Variants in CCSER1 observed in about 807,000 individuals in gnomAD.
CCSER1 encodes the protein coiled-coil serine rich protein 1, also known as serine-rich coiled-coil domain-containing protein 1.
Under a neutral mutation model 82.0 loss-of-function variants are expected in CCSER1, and 41 were observed. The observed-to-expected ratio is 0.50, with a 90% confidence interval of 0.39 to 0.65. CCSER1 has a LOEUF of 0.65. Ranked by LOEUF, CCSER1 falls within the 30% of genes least tolerant of loss-of-function variation. The pLI is 0.00. For synonymous variants in CCSER1, 414 were observed against 383.9 expected (o/e 1.08, Z -0.92); for missense variants, 1,119 against 1,064.2 (o/e 1.05, Z -0.72).
intron 10 of CCSER1, among the ~76,000 whole-genome samples, chr4:91,312,684 G>T (rs1745569155): frequency 6.6e-6 from 1 of 151,844 alleles, no homozygotes; most frequent in South Asian, 2.1e-4. Flanking sequence ...CTTCACCCAT[G>T]TTTAACTTGT....
At chr4:91,521,490 C>T (rs972456968) in intron 10 of CCSER1, among the ~76,000 whole-genome samples, 1 of 152,130 alleles carries the variant, frequency 6.6e-6, no homozygotes, top group Non-Finnish European at 1.5e-5. Flanking sequence ...ATTTACACTC[C>T]CACCAACAGC....
At chr4:90,235,849 C>A (rs1196710187) in intron 1 of CCSER1, among the ~76,000 whole-genome samples, 1 of 152,120 alleles carries the variant, frequency 6.6e-6, no homozygotes, top group Non-Finnish European at 1.5e-5. Context: ...TGCTTCCAAC[C>A]CTAACTCAGA....
chr4:91,080,934 A>G (rs1417875294), intron 9 of CCSER1, among the ~76,000 whole-genome samples: 1 of 152,202 alleles, frequency 6.6e-6, no homozygotes, highest in Non-Finnish European at 1.5e-5. Flanking sequence ...CAACCAAAAA[A>G]AGTCCAGGAC....
intron 7 of CCSER1, among the ~76,000 whole-genome samples, chr4:90,762,605 A>G (rs1480130753): frequency 1.3e-5 from 2 of 152,150 alleles, no homozygotes; most frequent in Non-Finnish European, 2.9e-5. Context: ...AACTTTGATT[A>G]TGCATCACCT....
At chr4:90,849,509 GC>G (rs1200520031) in intron 8 of CCSER1, among the ~76,000 whole-genome samples, 2 of 152,090 alleles carry the variant, frequency 1.3e-5, no homozygotes, top group African/African-American at 4.8e-5. Context: ...GAAAAACCCG[GC>G]CAGGTGTGGT....
chr4:91,474,804 TATATATATACACACACACAC>T (rs1308898908), intron 10 of CCSER1, among the ~76,000 whole-genome samples: 2 of 128,788 alleles, frequency 1.6e-5, no homozygotes, highest in African/African-American at 5.7e-5. Context: ...TATATATATA[TATATATATACACACACACAC>T]ACACACACAC....
chr4:90,611,059 C>CTTTTCTTTTTTTTTTTTTTTTTTT (rs1303751301), intron 5 of CCSER1, among the ~76,000 whole-genome samples: 11 of 93,808 alleles, frequency 1.2e-4, no homozygotes, highest in African/African-American at 5.0e-4. Context: ...CTTTTCTTTT[C>CTTTTCTTTTTTTTTTTTTTTTTTT]TTTTTTTTTT....
intron 10 of CCSER1, among the ~76,000 whole-genome samples, chr4:91,275,322 T>C (rs1016614605): frequency 5.3e-5 from 8 of 152,006 alleles, no homozygotes; most frequent in African/African-American, 1.9e-4. Flanking sequence ...TTTTTGTTTT[T>C]TGTTTTTGTT....
intron 10 of CCSER1, among the ~76,000 whole-genome samples, chr4:91,109,835 T>C (rs1400371038): frequency 6.6e-6 from 1 of 152,146 alleles, no homozygotes; most frequent in Non-Finnish European, 1.5e-5. Context: ...GAGCCCATGG[T>C]TTCACAAAGG....
At chr4:91,334,687 G>C (rs76414507) in intron 10 of CCSER1, among the ~76,000 whole-genome samples, 9,817 of 152,086 alleles carry the variant, frequency 0.065, 412 homozygotes, top group African/African-American at 0.11. Context: ...CTGTATTTGT[G>C]CATTGTTTTC....
At chr4:90,481,166 T>A (rs1765892622) in intron 5 of CCSER1, among the ~76,000 whole-genome samples, 2 of 152,096 alleles carry the variant, frequency 1.3e-5, no homozygotes. Flanking sequence ...CACTCATGAT[T>A]TGGCTCTCTG....
At chr4:90,190,301 A>C (rs545612298) in intron 1 of CCSER1, among the ~76,000 whole-genome samples, 2 of 152,220 alleles carry the variant, frequency 1.3e-5, no homozygotes, top group South Asian at 2.1e-4. Flanking sequence ...CTCTGTCATG[A>C]GTCCTGGGAC....
chr4:90,360,792 A>G (rs1161048587), intron 3 of CCSER1, among the ~76,000 whole-genome samples: 2 of 152,152 alleles, frequency 1.3e-5, no homozygotes, highest in Non-Finnish European at 2.9e-5. Flanking sequence ...CATAATGCAT[A>G]TGAATTACCA....
chr4:90,280,152 C>G (rs1395532510), intron 1 of CCSER1, among the ~76,000 whole-genome samples: 1 of 151,860 alleles, frequency 6.6e-6, no homozygotes, highest in Non-Finnish European at 1.5e-5. Context: ...AAATAACAAA[C>G]TAATGAATCT....
At chr4:91,435,744 T>C (rs1289699044) in intron 10 of CCSER1, among the ~76,000 whole-genome samples, 1 of 152,228 alleles carries the variant, frequency 6.6e-6, no homozygotes. Context: ...TTTAAAGCTT[T>C]ATTTGAGATA....
intron 3 of CCSER1, among the ~76,000 whole-genome samples, chr4:90,386,059 T>C (rs771580582): frequency 6.6e-6 from 1 of 152,176 alleles, no homozygotes; most frequent in African/African-American, 2.4e-5. Flanking sequence ...GATGAATCAA[T>C]ATTGTGAAAA....
intron 10 of CCSER1, among the ~76,000 whole-genome samples, chr4:91,293,427 G>A (rs999817732): frequency 2.0e-5 from 3 of 151,924 alleles, no homozygotes; most frequent in Admixed American, 6.6e-5. Flanking sequence ...TCTATTAAGA[G>A]TCTTTTTCTA....
At chr4:91,572,948 G>T (rs1172039308) in intron 10 of CCSER1, among the ~76,000 whole-genome samples, 1 of 152,144 alleles carries the variant, frequency 6.6e-6, no homozygotes, top group Non-Finnish European at 1.5e-5. Flanking sequence ...AAACAGCAAA[G>T]ATGGTGGCCT....
At chr4:90,552,887 T>C (rs1777686973) in intron 5 of CCSER1, among the ~76,000 whole-genome samples, 1 of 152,234 alleles carries the variant, frequency 6.6e-6, no homozygotes, top group Non-Finnish European at 1.5e-5. Flanking sequence ...TAATGACCTA[T>C]GCTCTTAAGT....
Sources: gnomAD v4.1 joint callset for allele counts (sites outside exome capture counted in the v4.1 genomes callset) on GRCh38, gnomAD v4.1.1 for gene constraint, MANE v1.5 for transcripts, NCBI Gene and HGNC (gene_info 2026-07-23, HGNC 2026-07-21) for gene names.